Variants in INSL6 observed in about 807,000 individuals in gnomAD.
INSL6 encodes the protein insulin like 6.
INSL6 carries 16 observed loss-of-function variants against 9.4 expected under a neutral mutation model. That is an observed-to-expected ratio of 1.70 (90% CI 1.15 to 2.59). The LOEUF is 2.59. Ranked by LOEUF, INSL6 falls within the 30% of genes most tolerant of loss-of-function variation. The probability of loss-of-function intolerance (pLI) is 0.00; values close to 1 mark genes in which losing one functional copy is unlikely to be tolerated. For synonymous variants in INSL6, 154 were observed against 96.9 expected, an observed-to-expected ratio of 1.59 and a Z score of -3.46; for missense variants, 391 against 257.3, an observed-to-expected ratio of 1.52 and a Z score of -3.56.
chr9:5,091,896 C>G, the INSL6 span, among the ~76,000 whole-genome samples: 20 of 152,148 alleles, frequency 1.3e-4, no homozygotes, highest in Admixed American at 9.8e-4. Context: ...AGGGTGGTTA[C>G]ACCTAGGGCT....
rs184008299 is a variant in INSL6 at position 5,128,924 on chromosome 9, C to T, written c.*11-4413G>A. On this transcript the variant is annotated intron_variant, in intron 3 of 3. Transcript: ENST00000649639. ...AGAATTATGTAATTCTGTAACTATT[C>T]CAGTATATTAAGTTATACAATCTTT... 2.0e-5 allele frequency among the ~76,000 whole-genome samples: 3 copies of T among 152,032 alleles called. No homozygotes were observed. The East Asian group carries it at 5.8e-4, about 29-fold the overall frequency.
intron 1 of INSL6, among the ~76,000 whole-genome samples, chr9:5,174,187 A>C (rs1348050638): frequency 1.3e-5 from 2 of 152,070 alleles, no homozygotes; most frequent in Admixed American, 1.3e-4. Context: ...CACTTATAAA[A>C]ACACACACAC....
At chr9:5,072,148 A>C in the INSL6 span, among the ~76,000 whole-genome samples, 2 of 152,216 alleles carry the variant, frequency 1.3e-5, no homozygotes. Context: ...CACATTCTCT[A>C]GTGTGCTAGT....
the INSL6 span, among the ~76,000 whole-genome samples, chr9:5,005,397 C>G: frequency 1.3e-5 from 2 of 151,850 alleles, no homozygotes; most frequent in Non-Finnish European, 1.5e-5. Flanking sequence ...ATATTTTCTC[C>G]TGTTTTATAG....
At chr9:5,154,804 T>C (rs903436381) in intron 2 of INSL6, among the ~76,000 whole-genome samples, 8 of 152,096 alleles carry the variant, frequency 5.3e-5, no homozygotes, top group African/African-American at 1.9e-4. Flanking sequence ...AGAATGGCAA[T>C]CATTCAAAAG....
the INSL6 span, among the ~76,000 whole-genome samples, chr9:5,102,484 G>T: frequency 1.3e-5 from 2 of 152,156 alleles, no homozygotes; most frequent in Non-Finnish European, 2.9e-5. Context: ...TATTATCCAG[G>T]AGAACTTCCC....
chr9:5,119,605 C>G (rs187259629), downstream of INSL6, among the ~76,000 whole-genome samples: 104 of 152,000 alleles, frequency 6.8e-4, no homozygotes, highest in Non-Finnish European at 1.1e-3. Context: ...ATAAATAATA[C>G]AGAGTAAAAT....
At chr9:5,097,827 C>T in the INSL6 span, 12 of 152,204 alleles carry the variant, frequency 7.9e-5, no homozygotes, top group Non-Finnish European at 1.6e-4. Context: ...TGTTCGCCAT[C>T]ATAGGAGGCT....
chr9:5,146,139 T>C (rs1365522415), intron 2 of INSL6, among the ~76,000 whole-genome samples: 1 of 152,158 alleles, frequency 6.6e-6, no homozygotes, highest in Non-Finnish European at 1.5e-5. Flanking sequence ...TTTTATCCTT[T>C]TTGATGACCT....
At chr9:5,033,518 C>A in the INSL6 span, among the ~76,000 whole-genome samples, 2 of 152,182 alleles carry the variant, frequency 1.3e-5, no homozygotes, top group Non-Finnish European at 2.9e-5. Context: ...CAAAGGGAAG[C>A]CCATCAGACT....
At chr9:5,073,069 T>C in the INSL6 span, among the ~76,000 whole-genome samples, 17 of 152,200 alleles carry the variant, frequency 1.1e-4, no homozygotes, top group Admixed American at 7.2e-4. Flanking sequence ...CCGTGGCCAG[T>C]TGCCAGAGCT....
chr9:5,139,883 G>C (rs1257768456), intron 2 of INSL6, among the ~76,000 whole-genome samples: 1 of 152,128 alleles, frequency 6.6e-6, no homozygotes. Context: ...TTTTTTGAAA[G>C]CTTGTAGTGA....
Position 5,181,920 on chromosome 9 carries a change from T to C in INSL6, c.289+3394A>G, listed in dbSNP as rs184875913. Among the ~76,000 whole-genome samples, 13 of 152,342 alleles carry C rather than the reference T, an allele frequency of 8.5e-5. No homozygotes were observed. The East Asian group carries it at 2.5e-3, about 29-fold the overall frequency. On this transcript the variant is annotated intron_variant, in intron 1 of 1. Transcript: ENST00000381641. The stretch of plus-strand genomic sequence containing the variant: ...TTACACTGGTAAAAGTTAATAACTG[T>C]ATAATGCTAATTGTTGACATAGATA...
the INSL6 span, among the ~76,000 whole-genome samples, chr9:5,116,637 T>G: frequency 1.3e-5 from 2 of 152,196 alleles, no homozygotes; most frequent in African/African-American, 4.8e-5. Context: ...GAATACAAGC[T>G]AATAAATATT....
the INSL6 span, among the ~76,000 whole-genome samples, chr9:5,026,048 CA>C: frequency 6.6e-6 from 1 of 152,046 alleles, no homozygotes; most frequent in Non-Finnish European, 1.5e-5. Context: ...ATCTATTTTG[CA>C]AAGAATCATC....
chr9:5,160,227 C>A (rs536279590), downstream of INSL6, among the ~76,000 whole-genome samples: 103 of 149,602 alleles, frequency 6.9e-4, no homozygotes, highest in African/African-American at 2.4e-3. Context: ...TTAAAACATT[C>A]CAAAAAATTG....
chr9:5,126,520 C>A, intron 3 of INSL6: 1 of 1,100,766 alleles, frequency 9.1e-7, no homozygotes, highest in Non-Finnish European at 1.3e-6. Context: ...CAGTTCACTT[C>A]CTGAAATTTA....
intron 1 of INSL6, among the ~76,000 whole-genome samples, chr9:5,178,726 G>T (rs1481785230): frequency 1.3e-5 from 2 of 152,080 alleles, no homozygotes; most frequent in Non-Finnish European, 2.9e-5. Flanking sequence ...ACAACCATAC[G>T]ATCTTGGACA....
the INSL6 span, chr9:5,080,467 A>T: frequency 2.7e-5 from 42 of 1,538,838 alleles, no homozygotes; most frequent in Non-Finnish European, 3.7e-5. Flanking sequence ...AGCCCATCTA[A>T]TTTTAAAAAG....
Sources: allele counts gnomAD v4.1 joint callset (sites outside exome capture counted in the v4.1 genomes callset), GRCh38; gene constraint gnomAD v4.1.1; transcripts MANE v1.5; gene names NCBI Gene and HGNC (gene_info 2026-07-23, HGNC 2026-07-21).